RFX3: variants seen among roughly 807,000 people sequenced by gnomAD.
RFX3 encodes the protein regulatory factor X3, also known as transcription factor RFX3.
Under a neutral mutation model 98.6 loss-of-function variants are expected in RFX3, and 14 were observed. The ratio of observed to expected loss-of-function variants is 0.14; its 90% CI spans 0.09 to 0.22. The LOEUF (loss-of-function observed/expected upper bound fraction) is 0.22. Ranked by LOEUF, RFX3 falls within the 10% of genes least tolerant of loss-of-function variation. RFX3 has a pLI of 1.00. For missense variants in RFX3, 639 were observed against 926.9 expected, an observed-to-expected ratio of 0.69 and a Z score of 4.03; for synonymous variants, 383 against 328.4, an observed-to-expected ratio of 1.17 and a Z score of -1.80.
intron 15 of RFX3, chr9:3,247,177 C>T: frequency 1.0e-6 from 1 of 985,444 alleles, no homozygotes; most frequent in Non-Finnish European, 1.2e-6. Flanking sequence ...CCGCCTCCTG[C>T]ATTCAATATA....
chr9:3,455,043 G>A (rs1011692572), intron 1 of RFX3, among the ~76,000 whole-genome samples: 1 of 152,018 alleles, frequency 6.6e-6, no homozygotes, highest in Non-Finnish European at 1.5e-5. Flanking sequence ...CACCCAACTG[G>A]AACTCTTCCT....
At chr9:3,255,519 CAG>C (rs1822011733) in intron 14 of RFX3, among the ~76,000 whole-genome samples, 1 of 152,178 alleles carries the variant, frequency 6.6e-6, no homozygotes, top group East Asian at 1.9e-4. Flanking sequence ...TACTTTACAG[CAG>C]ATATTAATCT....
intron 1 of RFX3, among the ~76,000 whole-genome samples, chr9:3,504,936 A>ATATATATAATATAATATATAT (rs1816730663): frequency 5.3e-5 from 1 of 18,916 alleles, no homozygotes; most frequent in Non-Finnish European, 1.1e-4. Context: ...ATTATATATA[A>ATATATATAATATAATATATAT]TATATATAAT....
chr9:3,417,148 A>G (rs1222867787), intron 1 of RFX3, among the ~76,000 whole-genome samples: 1 of 152,082 alleles, frequency 6.6e-6, no homozygotes, highest in East Asian at 1.9e-4. Context: ...CATCAAGAGA[A>G]TATAACAATC....
chr9:3,468,507 T>C (rs528254079), intron 1 of RFX3, among the ~76,000 whole-genome samples: 4 of 152,344 alleles, frequency 2.6e-5, no homozygotes, highest in Middle Eastern at 3.4e-3. Context: ...AACTTTGCTG[T>C]CAATCACTGC....
intron 2 of RFX3, among the ~76,000 whole-genome samples, chr9:3,379,729 C>G (rs1564015035): frequency 6.6e-6 from 1 of 152,108 alleles, no homozygotes; most frequent in Non-Finnish European, 1.5e-5. Context: ...AGAAACACTA[C>G]TCTTTGCAAC....
At chr9:3,309,489 C>G (rs549303883) in intron 4 of RFX3, among the ~76,000 whole-genome samples, 1 of 151,504 alleles carries the variant, frequency 6.6e-6, no homozygotes, top group Admixed American at 6.6e-5. Context: ...TCAAGAGCCA[C>G]CCTGAGGCTT....
chr9:3,504,312 A>G (rs1816447156), intron 1 of RFX3, among the ~76,000 whole-genome samples: 1 of 135,200 alleles, frequency 7.4e-6, no homozygotes, highest in South Asian at 2.1e-4. Context: ...ACCACATAGC[A>G]TATATTATAT....
chr9:3,260,115 T>C (rs1822673934), intron 13 of RFX3, among the ~76,000 whole-genome samples: 1 of 151,958 alleles, frequency 6.6e-6, no homozygotes, highest in Non-Finnish European at 1.5e-5. Context: ...GATTACTCAT[T>C]AATATGTACA....
In RFX3 at chr9:3,224,168, T is replaced by C. The variant is rs1817526603; in HGVS notation, c.*874A>G. 6.6e-6 allele frequency: 1 copy of C among 151,772 alleles called. No individual in the cohort carries two copies. The highest frequency in any genetic ancestry group is 2.4e-5 in the African/African-American group (1 of 41,336). 9.4% of individuals were successfully genotyped at this position (151,772 alleles called of 1,614,324 possible). ...AGCTCAGCATAAGTAGCATGTACACTTAAAAAAAAAAAGTCAAGTCTTTTT... is the reference window on the plus strand; with the variant it reads ...AGCTCAGCATAAGTAGCATGTACACCTAAAAAAAAAAAGTCAAGTCTTTTT... On this transcript the variant is annotated 3_prime_UTR_variant, in exon 17 of 17. Transcript: ENST00000617270.
chr9:3,467,171 AATGTATAT>A (rs1848358005), intron 1 of RFX3, among the ~76,000 whole-genome samples: 2 of 123,262 alleles, frequency 1.6e-5, no homozygotes, highest in South Asian at 4.7e-4. Flanking sequence ...ATACGTATAT[AATGTATAT>A]ATGTATATAC....
At chr9:3,355,905 T>C (rs956082542) in intron 2 of RFX3, among the ~76,000 whole-genome samples, 5 of 151,856 alleles carry the variant, frequency 3.3e-5, no homozygotes, top group African/African-American at 4.8e-5. Flanking sequence ...AACATATTTG[T>C]AAAACGAACA....
At chr9:3,472,512 C>T (rs540433340) in intron 1 of RFX3, among the ~76,000 whole-genome samples, 7 of 151,660 alleles carry the variant, frequency 4.6e-5, no homozygotes, top group Admixed American at 2.6e-4. Context: ...TTTGTTTTAC[C>T]TGAAACCAAA....
At chr9:3,504,949 A>ATATTATATT (rs1564185962) in intron 1 of RFX3, among the ~76,000 whole-genome samples, 2 of 23,536 alleles carry the variant, frequency 8.5e-5, no homozygotes, top group Non-Finnish European at 1.7e-4. Flanking sequence ...TATATAATAT[A>ATATTATATT]ATATATATTA....
Position 3,219,455 on chromosome 9 carries a change from A to AG in RFX3, c.*5586_*5587insC, listed in dbSNP as rs1039096347. 6.6e-6 allele frequency: 1 copy of AG among 151,840 alleles called. No homozygotes were observed. The highest frequency in any genetic ancestry group is 2.4e-5 in the African/African-American group (1 of 41,384). 9.4% of individuals were successfully genotyped at this position (151,840 alleles called of 1,614,324 possible). A position where few individuals can be genotyped will look rare whatever the true frequency, so the allele number is the denominator to read the frequency against. ...TCCCAACATCATAATTTATTTAAAAAAAAAAAACAAAGGAAAGAGGGGAGA... is the reference window on the plus strand; with the variant it reads ...TCCCAACATCATAATTTATTTAAAAAGAAAAAAACAAAGGAAAGAGGGGAGA... On this transcript the variant is annotated 3_prime_UTR_variant, in exon 17 of 17. Transcript: ENST00000617270.
rs1255714410 is a variant in RFX3 at position 3,451,501 on chromosome 9, G to GC, written c.-8-55906dup. On this transcript the variant is annotated intron_variant, in intron 1 of 16. Transcript: ENST00000617270. ...CGAGGCGGCAGTGAGCTACGATTAC[G>GC]CCACTGCACTCCAGCCTGGGCAACA... 2.6e-5 allele frequency among the ~76,000 whole-genome samples: 4 copies of GC among 152,242 alleles called. No individual in the cohort carries two copies. The East Asian group carries it at 7.7e-4, about 29-fold the overall frequency.
At chr9:3,522,557 G>A (rs915875281) in intron 1 of RFX3, among the ~76,000 whole-genome samples, 7 of 67,080 alleles carry the variant, frequency 1.0e-4, no homozygotes, top group African/African-American at 2.6e-4. Flanking sequence ...GTGTGTGTGC[G>A]TGTGTGTGTG....
chr9:3,424,513 C>T (rs550934843), intron 1 of RFX3, among the ~76,000 whole-genome samples: 220 of 151,508 alleles, frequency 1.5e-3, no homozygotes, highest in African/African-American at 4.9e-3. Flanking sequence ...AGGCGCCCGC[C>T]ACCGCGCCCG....
intron 1 of RFX3, among the ~76,000 whole-genome samples, chr9:3,458,931 G>A (rs919144661): frequency 1.3e-5 from 2 of 152,080 alleles, no homozygotes; most frequent in African/African-American, 4.8e-5. Context: ...TATCTGCCAA[G>A]AATAGTATTG....
Sources: allele counts gnomAD v4.1 joint callset (sites outside exome capture counted in the v4.1 genomes callset), GRCh38; gene constraint gnomAD v4.1.1; transcripts MANE v1.5; gene names NCBI Gene and HGNC (gene_info 2026-07-23, HGNC 2026-07-21).